Variants in PKIG observed in about 807,000 individuals in gnomAD.
PKIG encodes cAMP-dependent protein kinase inhibitor gamma.
A neutral mutation model predicts 6.8 loss-of-function variants in PKIG; 1 was observed. The ratio of observed to expected loss-of-function variants is 0.15; its 90% CI spans 0.05 to 0.69. The LOEUF (loss-of-function observed/expected upper bound fraction) is 0.69. Among genes scored for constraint, PKIG ranks in the 30% least tolerant of loss-of-function variants. The pLI is 0.82. For synonymous variants in PKIG, 39 were observed against 43.0 expected (o/e 0.91, Z 0.36); for missense variants, 77 against 104.0 (o/e 0.74, Z 1.13).
upstream of PKIG, among the ~76,000 whole-genome samples, chr20:44,581,037 G>A (rs1032415044): frequency 6.6e-6 from 1 of 152,148 alleles, no homozygotes; most frequent in Non-Finnish European, 1.5e-5. Flanking sequence ...TTCCCAGGCT[G>A]GCTGCGGCAA....
intron 1 of PKIG, among the ~76,000 whole-genome samples, chr20:44,577,527 C>G (rs2064909521): frequency 6.6e-6 from 1 of 152,116 alleles, no homozygotes; most frequent in South Asian, 2.1e-4. Flanking sequence ...TTCTTTTTTC[C>G]TGTTCTTCTG....
chr20:44,551,149 G>T (rs556623628), intron 1 of PKIG, among the ~76,000 whole-genome samples: 1 of 152,136 alleles, frequency 6.6e-6, no homozygotes, highest in Non-Finnish European at 1.5e-5. Flanking sequence ...CGCCTCCCGG[G>T]TTCACACCAC....
chr20:44,616,100 T>C (rs2065261962), intron 3 of PKIG, among the ~76,000 whole-genome samples: 1 of 152,196 alleles, frequency 6.6e-6, no homozygotes, highest in Non-Finnish European at 1.5e-5. Flanking sequence ...CAGAAGCCCC[T>C]GTGGGCCTTC....
At chr20:44,599,930 G>A (rs1215909102) in intron 2 of PKIG, among the ~76,000 whole-genome samples, 8 of 152,062 alleles carry the variant, frequency 5.3e-5, no homozygotes, top group South Asian at 2.1e-4. Context: ...ATTACCCTCC[G>A]GGCAGCTCTG....
intron 1 of PKIG, among the ~76,000 whole-genome samples, chr20:44,536,390 T>A (rs2064512426): frequency 6.6e-6 from 1 of 151,998 alleles, no homozygotes; most frequent in Non-Finnish European, 1.5e-5. Context: ...AGAAAAAAAA[T>A]GAGGAAGTAT....
intron 1 of PKIG, among the ~76,000 whole-genome samples, chr20:44,543,879 A>G (rs991181990): frequency 6.6e-6 from 1 of 152,098 alleles, no homozygotes; most frequent in South Asian, 2.1e-4. Flanking sequence ...CCTGACCAAC[A>G]TGGTGAAACC....
chr20:44,555,009 A>G (rs1568808444), intron 1 of PKIG, among the ~76,000 whole-genome samples: 1 of 152,216 alleles, frequency 6.6e-6, no homozygotes, highest in Non-Finnish European at 1.5e-5. Context: ...GAAGCTTAAT[A>G]TCATTTAAGT....
chr20:44,568,917 A>G (rs1487027399), intron 1 of PKIG, among the ~76,000 whole-genome samples: 1 of 152,232 alleles, frequency 6.6e-6, no homozygotes, highest in Non-Finnish European at 1.5e-5. Context: ...GCTGAAGTGA[A>G]CAACTTTAAG....
chr20:44,565,757 G>A (rs1412050529), intron 1 of PKIG, among the ~76,000 whole-genome samples: 2 of 152,040 alleles, frequency 1.3e-5, no homozygotes, highest in African/African-American at 4.8e-5. Context: ...GGCAATCATA[G>A]GTGATTATTT....
rs968696373 is a variant in PKIG, at chr20:44,592,776, G to A, written c.-24+2910G>A. On this transcript the variant is annotated intron_variant, in intron 2 of 3. Transcript: ENST00000372886. The stretch of plus-strand genomic sequence containing the variant: ...GTGAGAATCCTGCCTAGTTGAACAG[G>A]CAGTTCAGCCTGTTCTGGAAAGAGT... Among the ~76,000 whole-genome samples the A allele has an allele frequency of 2.0e-5, 3 of 152,164 alleles. No homozygotes were observed. The South Asian group carries it at 6.2e-4, about 32-fold the overall frequency.
upstream of PKIG, among the ~76,000 whole-genome samples, chr20:44,581,362 C>T (rs1366723667): frequency 2.0e-5 from 3 of 152,098 alleles, no homozygotes; most frequent in Admixed American, 1.3e-4. Context: ...TTTTAATTCT[C>T]ACAATCCTAA....
At chr20:44,604,451 G>A (rs764080693) in intron 2 of PKIG, among the ~76,000 whole-genome samples, 2 of 152,204 alleles carry the variant, frequency 1.3e-5, no homozygotes, top group Non-Finnish European at 2.9e-5. Context: ...GAGAGAGAAC[G>A]AGACGTGTAG....
upstream of PKIG, among the ~76,000 whole-genome samples, chr20:44,578,129 G>A (rs574974719): frequency 4.8e-4 from 72 of 151,520 alleles, no homozygotes; most frequent in Non-Finnish European, 7.8e-4. Context: ...TCACGAGGTC[G>A]GGAGATCGAG....
intron 1 of PKIG, among the ~76,000 whole-genome samples, chr20:44,575,265 C>T (rs1048181767): frequency 6.6e-6 from 1 of 152,192 alleles, no homozygotes; most frequent in Admixed American, 6.5e-5. Context: ...GTCACCCACG[C>T]TGGAGTGCAA....
chr20:44,564,425 C>G (rs868133075), intron 1 of PKIG: 1 of 151,952 alleles, frequency 6.6e-6, no homozygotes, highest in Non-Finnish European at 1.5e-5. Context: ...TATCACTGGC[C>G]TCATGACATG....
intron 2 of PKIG, among the ~76,000 whole-genome samples, chr20:44,599,155 C>G (rs1197357351): frequency 1.3e-5 from 2 of 152,084 alleles, no homozygotes; most frequent in African/African-American, 2.4e-5. Flanking sequence ...TTAAGAAATG[C>G]CTTATTATGA....
chr20:44,603,508 A>G (rs1247438768), intron 2 of PKIG, among the ~76,000 whole-genome samples: 1 of 151,964 alleles, frequency 6.6e-6, no homozygotes. Context: ...CCTGCCACCC[A>G]TTCCCCTCAG....
chr20:44,581,208 G>C (rs1260656566), upstream of PKIG, among the ~76,000 whole-genome samples: 1 of 152,168 alleles, frequency 6.6e-6, no homozygotes, highest in Non-Finnish European at 1.5e-5. Context: ...ATCCAGGAAG[G>C]AGAGATTAAT....
At chr20:44,550,084 T>C (rs1202040950) in intron 1 of PKIG, among the ~76,000 whole-genome samples, 1 of 150,140 alleles carries the variant, frequency 6.7e-6, no homozygotes, top group Non-Finnish European at 1.5e-5. Context: ...ATTGAATCTT[T>C]AGGACCAGTT....
Sources: gnomAD v4.1 joint callset for allele counts (sites outside exome capture counted in the v4.1 genomes callset) on GRCh38, gnomAD v4.1.1 for gene constraint, MANE v1.5 for transcripts, NCBI Gene and HGNC (gene_info 2026-07-23, HGNC 2026-07-21) for gene names.